Variants in SPIDR observed in about 807,000 individuals in gnomAD.
The protein encoded by SPIDR is DNA repair-scaffolding protein.
In SPIDR, 93 loss-of-function variants were observed where a neutral mutation model predicts 104.6. The ratio of observed to expected loss-of-function variants is 0.89; its 90% CI spans 0.75 to 1.06. The LOEUF (loss-of-function observed/expected upper bound fraction) is 1.06. SPIDR is among the 50% of genes least tolerant of loss of function. The pLI is 0.00. For missense variants in SPIDR, 1,154 were observed against 1,111.2 expected, an observed-to-expected ratio of 1.04 and a Z score of -0.55; for synonymous variants, 431 against 416.9, an observed-to-expected ratio of 1.03 and a Z score of -0.41.
intron 10 of SPIDR, among the ~76,000 whole-genome samples, chr8:47,627,187 A>G (rs1186035618): frequency 6.6e-6 from 1 of 152,166 alleles, no homozygotes; most frequent in South Asian, 2.1e-4. Flanking sequence ...GAATTGAACA[A>G]TGAGAATACA....
intron 5 of SPIDR, among the ~76,000 whole-genome samples, chr8:47,314,951 G>C (rs2045008159): frequency 6.6e-6 from 1 of 152,116 alleles, no homozygotes; most frequent in Non-Finnish European, 1.5e-5. Context: ...ATGAGGAAAG[G>C]TGTAGCATGC....
At chr8:47,369,937 C>A (rs937107763) in intron 5 of SPIDR, among the ~76,000 whole-genome samples, 9 of 151,912 alleles carry the variant, frequency 5.9e-5, no homozygotes, top group African/African-American at 1.7e-4. Context: ...GGTTCCCTAC[C>A]CCCCATTTTA....
At position 47,346,616 on chromosome 8, in the gene SPIDR, A is replaced by G. The variant is rs180858080; in HGVS notation, c.526-49760A>G. On this transcript the variant is annotated intron_variant, in intron 5 of 19. Transcript: ENST00000297423. ...TGGTCCTGGACTTTTTTTGCTTGGT[A>G]GGCTATTGTCTCAATTTCAGAACCT... 1.3e-3 allele frequency among the ~76,000 whole-genome samples: 195 copies of G among 151,834 alleles called. 1 individual carries two copies. Among genetic ancestry groups the G allele is most frequent in the African/African-American group, 4.4e-3 (184 of 41,488 alleles).
rs80196854 is a variant in SPIDR, at chr8:47,470,956, G to C, written c.1097+30414G>C. Among the ~76,000 whole-genome samples, 1,400 of 152,140 alleles carry C rather than the reference G, an allele frequency of 9.2e-3. 23 individuals are homozygous for C. Among genetic ancestry groups the C allele is most frequent in the African/African-American group, 0.031 (1,302 of 41,506 alleles). On this transcript the variant is annotated intron_variant, in intron 8 of 19. Coordinates refer to ENST00000297423, the MANE Select transcript of SPIDR (RefSeq NM_001080394.4). ...TCACCGTGTTAGCCAGGATGGTCTCGATCTCCTGACCTTGTGATCCGCCCG... is the reference window on the plus strand; with the variant it reads ...TCACCGTGTTAGCCAGGATGGTCTCCATCTCCTGACCTTGTGATCCGCCCG...
intron 8 of SPIDR, among the ~76,000 whole-genome samples, chr8:47,457,521 G>A (rs1378400700): frequency 6.6e-6 from 1 of 152,100 alleles, no homozygotes; most frequent in African/African-American, 2.4e-5. Context: ...TATAGATTGT[G>A]AAGATTTTCT....
chr8:47,498,213 G>A (rs1262560544), intron 8 of SPIDR, among the ~76,000 whole-genome samples: 2 of 152,140 alleles, frequency 1.3e-5, no homozygotes, highest in African/African-American at 4.8e-5. Flanking sequence ...TGTTTTGGCA[G>A]TGATAGGCCA....
chr8:47,605,631 C>T (rs2062841464), intron 10 of SPIDR, among the ~76,000 whole-genome samples: 1 of 152,122 alleles, frequency 6.6e-6, no homozygotes, highest in African/African-American at 2.4e-5. Context: ...GGTGACAGGA[C>T]ATTTAGCAGG....
intron 5 of SPIDR, among the ~76,000 whole-genome samples, chr8:47,382,995 A>G (rs1204426739): frequency 6.6e-6 from 1 of 152,172 alleles, no homozygotes; most frequent in African/African-American, 2.4e-5. Flanking sequence ...GAGTCATTTT[A>G]ACTCCTAGTA....
intron 11 of SPIDR, among the ~76,000 whole-genome samples, chr8:47,683,701 C>T (rs1049158639): frequency 1.3e-4 from 20 of 152,152 alleles, no homozygotes; most frequent in African/African-American, 4.3e-4. Context: ...CACATCAGTG[C>T]ACAAAAGGTT....
chr8:47,686,483 G>A (rs969686953), intron 11 of SPIDR, among the ~76,000 whole-genome samples: 1 of 152,192 alleles, frequency 6.6e-6, no homozygotes, highest in Non-Finnish European at 1.5e-5. Flanking sequence ...GGAAAGAAAA[G>A]AAAGCTTGAG....
At chr8:47,558,474 T>C (rs943198244) in intron 8 of SPIDR, among the ~76,000 whole-genome samples, 7 of 152,156 alleles carry the variant, frequency 4.6e-5, no homozygotes, top group African/African-American at 1.7e-4. Context: ...TTGAGTCTTT[T>C]TGTAGCTCCG....
intron 5 of SPIDR, among the ~76,000 whole-genome samples, chr8:47,323,361 G>C (rs966874098): frequency 1.3e-4 from 20 of 152,196 alleles, no homozygotes; most frequent in African/African-American, 4.1e-4. Context: ...AGTTTCCAAT[G>C]TGAGTGTACA....
intron 8 of SPIDR, among the ~76,000 whole-genome samples, chr8:47,456,019 C>T (rs1206351300): frequency 2.0e-5 from 3 of 152,146 alleles, no homozygotes; most frequent in Non-Finnish European, 4.4e-5. Flanking sequence ...ATGTGTAAAA[C>T]ATTCCATTCA....
chr8:47,300,387 C>G (rs1203926197), intron 5 of SPIDR, among the ~76,000 whole-genome samples: 1 of 152,054 alleles, frequency 6.6e-6, no homozygotes, highest in Non-Finnish European at 1.5e-5. Context: ...TTTTGTTGAT[C>G]TTTTCAAAAA....
chr8:47,435,567 T>C (rs1554691571), intron 7 of SPIDR, among the ~76,000 whole-genome samples: 1 of 152,210 alleles, frequency 6.6e-6, no homozygotes, highest in Non-Finnish European at 1.5e-5. Flanking sequence ...TCTGTTCCTG[T>C]TTCTTAATCG....
chr8:47,368,191 A>G (rs75259890), intron 5 of SPIDR, among the ~76,000 whole-genome samples: 1 of 151,426 alleles, frequency 6.6e-6, no homozygotes, highest in Non-Finnish European at 1.5e-5. Context: ...TGAGAGTTCC[A>G]CCCCCTTAAC....
intron 10 of SPIDR, among the ~76,000 whole-genome samples, chr8:47,650,251 C>T (rs1173904822): frequency 6.6e-6 from 1 of 152,164 alleles, no homozygotes; most frequent in Non-Finnish European, 1.5e-5. Context: ...ACAAATTCAG[C>T]AGAGTCTTAG....
chr8:47,320,147 G>A (rs180800712), intron 5 of SPIDR, among the ~76,000 whole-genome samples: 9 of 152,198 alleles, frequency 5.9e-5, no homozygotes, highest in African/African-American at 9.6e-5. Flanking sequence ...CAAAAAATCA[G>A]TGAATCCAGG....
In SPIDR at chr8:47,291,154, T is replaced by C; in HGVS notation, c.361+17T>C. On this transcript the variant is annotated intron_variant, in intron 4 of 19. Coordinates refer to ENST00000297423, the MANE Select transcript of SPIDR (RefSeq NM_001080394.4). ...TACAGAGAGGTAATGGACATTGCTC[T>C]AGAATAGACAGATTTTGTAACAGGA... 6.5e-7 allele frequency: 1 copy of C among 1,531,232 alleles called. No individual in the cohort carries two copies. Among genetic ancestry groups the C allele is most frequent in the South Asian group, 1.2e-5 (1 of 83,138 alleles). 94.9% of individuals were successfully genotyped at this position (1,531,232 alleles called of 1,614,324 possible). A position where few individuals can be genotyped will look rare whatever the true frequency, so the allele number is the denominator to read the frequency against.
Sources: allele counts gnomAD v4.1 joint callset (sites outside exome capture counted in the v4.1 genomes callset), GRCh38; gene constraint gnomAD v4.1.1; transcripts MANE v1.5; gene names NCBI Gene and HGNC (gene_info 2026-07-23, HGNC 2026-07-21).